The following MACROD2 variants were observed in gnomAD, a reference collection of about 807,000 sequenced individuals.
MACROD2 encodes the protein ADP-ribose glycohydrolase MACROD2.
Under a neutral mutation model 70.4 loss-of-function variants are expected in MACROD2, and 36 were observed. The observed-to-expected ratio is 0.51, with a 90% CI of 0.39 to 0.68. The LOEUF (loss-of-function observed/expected upper bound fraction) is 0.68, where lower values mean the gene tolerates loss of function less well. Among genes scored for constraint, MACROD2 ranks in the 30% least tolerant of loss-of-function variants. MACROD2 has a pLI of 0.00. For missense variants in MACROD2, 496 were observed against 538.4 expected, an observed-to-expected ratio of 0.92 and a Z score of 0.78; for synonymous variants, 172 against 178.8, an observed-to-expected ratio of 0.96 and a Z score of 0.30.
chr20:14,613,011 G>A (rs1222704968), intron 4 of MACROD2, among the ~76,000 whole-genome samples: 1 of 152,068 alleles, frequency 6.6e-6, no homozygotes, highest in Non-Finnish European at 1.5e-5. Flanking sequence ...GAGTTCTTCA[G>A]TATTCCTGAG....
In MACROD2 at chr20:14,608,720, C is replaced by T. The variant is rs139210895; in HGVS notation, c.302-76123C>T. Among the ~76,000 whole-genome samples, 131 of 151,996 alleles carry T rather than the reference C, an allele frequency of 8.6e-4. 1 individual carries two copies. In the East Asian group the frequency reaches 0.02, roughly 23 times the overall value. ...TGTCAGTATACAGTAAATCAGTGAA[C>T]GAGTATTTGGATTATATAACTTTAA... On this transcript the variant is annotated intron_variant, in intron 4 of 17. Coordinates refer to ENST00000684519, the MANE Select transcript of MACROD2 (RefSeq NM_001351661.2).
intron 5 of MACROD2, among the ~76,000 whole-genome samples, chr20:14,912,443 G>A (rs991336860): frequency 2.0e-5 from 3 of 152,122 alleles, no homozygotes; most frequent in African/African-American, 7.2e-5. Flanking sequence ...AGAGCAAAAT[G>A]GCCTTCAGAA....
At chr20:14,169,216 A>C (rs1365320795) in intron 3 of MACROD2, among the ~76,000 whole-genome samples, 1 of 152,094 alleles carries the variant, frequency 6.6e-6, no homozygotes, top group Non-Finnish European at 1.5e-5. Flanking sequence ...CTTAACTGGA[A>C]CATGACAGGG....
chr20:15,579,069 CAT>C (rs1443817442), intron 8 of MACROD2, among the ~76,000 whole-genome samples: 1 of 152,278 alleles, frequency 6.6e-6, no homozygotes, highest in East Asian at 1.9e-4. Context: ...TCTTCTCCCT[CAT>C]ATTTTCAAGA....
intron 3 of MACROD2, among the ~76,000 whole-genome samples, chr20:14,436,496 G>A (rs1376909192): frequency 6.6e-6 from 1 of 152,124 alleles, no homozygotes; most frequent in Non-Finnish European, 1.5e-5. Context: ...TATATGCCTA[G>A]GCACTTCACC....
At chr20:14,872,196 C>G (rs1277668112) in intron 5 of MACROD2, among the ~76,000 whole-genome samples, 2 of 152,136 alleles carry the variant, frequency 1.3e-5, no homozygotes, top group Non-Finnish European at 2.9e-5. Flanking sequence ...ACTCTCCACT[C>G]TGCCATTTTC....
chr20:14,742,773 A>ATTT (rs397817634), intron 5 of MACROD2, among the ~76,000 whole-genome samples: 17 of 146,546 alleles, frequency 1.2e-4, no homozygotes, highest in Middle Eastern at 3.5e-3. Context: ...ATTTTATTTT[A>ATTT]TTTTTTTTTT....
intron 6 of MACROD2, among the ~76,000 whole-genome samples, chr20:15,312,670 A>G (rs1274818547): frequency 6.6e-6 from 1 of 152,260 alleles, no homozygotes; most frequent in Non-Finnish European, 1.5e-5. Flanking sequence ...ATATAAAAAC[A>G]TAGCTGTAAG....
intron 6 of MACROD2, among the ~76,000 whole-genome samples, chr20:15,363,355 G>C (rs1227850146): frequency 1.3e-5 from 2 of 152,170 alleles, no homozygotes; most frequent in Non-Finnish European, 2.9e-5. Flanking sequence ...TGAACAATGA[G>C]GGTGAAATAG....
intron 3 of MACROD2, among the ~76,000 whole-genome samples, chr20:14,114,479 A>C (rs1242048382): frequency 6.6e-6 from 1 of 152,164 alleles, no homozygotes; most frequent in Non-Finnish European, 1.5e-5. Flanking sequence ...AAGCCTATAG[A>C]TAGTAGCCTC....
chr20:14,156,160 T>A (rs900614449), intron 3 of MACROD2, among the ~76,000 whole-genome samples: 7 of 152,058 alleles, frequency 4.6e-5, no homozygotes, highest in Admixed American at 2.6e-4. Context: ...TCAAAAAAAA[T>A]AAAAAATAAA....
rs528736850 is a variant in MACROD2, at chr20:15,502,797, C to G, written c.645+2950C>G. ...ACAAACTACCCCCAAATCTTGGTAT[C>G]ACAAACAGCAAAGGTATGTTTCTTG... On this transcript the variant is annotated intron_variant, in intron 8 of 17. Coordinates refer to ENST00000684519, the MANE Select transcript of MACROD2 (RefSeq NM_001351661.2). Among the ~76,000 whole-genome samples the G allele has an allele frequency of 1.2e-4, 19 of 152,274 alleles. 1 individual carries two copies. In the South Asian group the frequency reaches 3.9e-3, roughly 32 times the overall value.
intron 6 of MACROD2, among the ~76,000 whole-genome samples, chr20:15,392,163 G>C (rs2045801531): frequency 6.6e-6 from 1 of 152,094 alleles, no homozygotes. Context: ...GGTATTAAAG[G>C]TACCATTGCA....
intron 4 of MACROD2, among the ~76,000 whole-genome samples, chr20:14,573,548 G>T (rs1980360994): frequency 6.6e-6 from 1 of 151,008 alleles, no homozygotes. Flanking sequence ...ATGGATAAAG[G>T]GTAGGATTAG....
At chr20:14,438,220 A>T (rs2084080864) in intron 3 of MACROD2, among the ~76,000 whole-genome samples, 2 of 152,148 alleles carry the variant, frequency 1.3e-5, no homozygotes, top group South Asian at 4.1e-4. Context: ...TTCCAGGTCT[A>T]TCCATGCTGT....
At chr20:15,674,037 A>T (rs2050020635) in intron 8 of MACROD2, among the ~76,000 whole-genome samples, 1 of 152,204 alleles carries the variant, frequency 6.6e-6, no homozygotes, top group African/African-American at 2.4e-5. Flanking sequence ...GCATGTGCGT[A>T]TGAATCATCT....
At chr20:14,095,111 T>C (rs2054204603) in intron 3 of MACROD2, among the ~76,000 whole-genome samples, 2 of 152,160 alleles carry the variant, frequency 1.3e-5, no homozygotes, top group Non-Finnish European at 2.9e-5. Context: ...TGAATGAGTG[T>C]CAGTACTATG....
At chr20:14,639,672 C>A (rs903986147) in intron 4 of MACROD2, among the ~76,000 whole-genome samples, 2 of 152,188 alleles carry the variant, frequency 1.3e-5, no homozygotes, top group African/African-American at 4.8e-5. Context: ...TTCTCTAATT[C>A]TCTTGCAGTT....
Position 15,233,983 on chromosome 20 carries a change from TTATATATA to T in MACROD2, c.540+3942_540+3949del, listed in dbSNP as rs1312226727. On this transcript the variant is annotated intron_variant, in intron 6 of 17. Transcript: ENST00000684519. ...AAAATTTATTTTTATATATATTTAT[TTATATATA>T]TATATATATATATATATATTCTTTT... 4.1e-3 allele frequency among the ~76,000 whole-genome samples: 181 copies of T among 43,996 alleles called. 5 individuals carry two copies. The East Asian group carries it at 0.069, about 17-fold the overall frequency. The allele number at this position is 43,996 out of a possible 152,430, so 28.9% of individuals were successfully genotyped here.
Sources: gnomAD v4.1 joint callset for allele counts (sites outside exome capture counted in the v4.1 genomes callset) on GRCh38, gnomAD v4.1.1 for gene constraint, MANE v1.5 for transcripts, NCBI Gene and HGNC (gene_info 2026-07-23, HGNC 2026-07-21) for gene names.